CDH23: variants seen among roughly 807,000 people sequenced by gnomAD.
The protein encoded by CDH23 is cadherin-23.
Under a neutral mutation model 317.1 loss-of-function variants are expected in CDH23, and 189 were observed. That is an observed-to-expected ratio of 0.60 (90% confidence interval 0.53 to 0.67). The LOEUF (loss-of-function observed/expected upper bound fraction) is 0.67. Among genes scored for constraint, CDH23 ranks in the 30% least tolerant of loss-of-function variants. The pLI is 0.00. For synonymous variants in CDH23, 1,839 were observed against 1,876.8 expected, an observed-to-expected ratio of 0.98 and a Z score of 0.52; for missense variants, 4,401 against 4,592.4, an observed-to-expected ratio of 0.96 and a Z score of 1.20.
intron 1 of CDH23, among the ~76,000 whole-genome samples, chr10:71,419,283 T>C (rs1848649112): frequency 6.6e-6 from 1 of 152,216 alleles, no homozygotes; most frequent in Admixed American, 6.5e-5. Context: ...CTCTGAAGAA[T>C]GAAGTGACCT....
chr10:71,480,905 G>T (rs1319748102), intron 3 of CDH23, among the ~76,000 whole-genome samples: 1 of 152,166 alleles, frequency 6.6e-6, no homozygotes, highest in Admixed American at 6.5e-5. Context: ...CCAGTGTCTG[G>T]TTTTTGGAGC....
chr10:71,770,732 G>A (rs371015651), intron 38 of CDH23, among the ~76,000 whole-genome samples: 9 of 152,292 alleles, frequency 5.9e-5, no homozygotes, highest in African/African-American at 1.7e-4. Flanking sequence ...CCCCTTTAGC[G>A]TCTCAGCAGC....
intron 38 of CDH23, chr10:71,750,143 A>G (rs1051403475): frequency 6.6e-6 from 1 of 152,136 alleles, no homozygotes; most frequent in East Asian, 1.9e-4. Context: ...GTATAAAAAC[A>G]AAGCCAGGGC....
At chr10:71,408,120 A>G (rs763199639) in intron 1 of CDH23, among the ~76,000 whole-genome samples, 10 of 152,226 alleles carry the variant, frequency 6.6e-5, no homozygotes, top group Non-Finnish European at 1.3e-4. Flanking sequence ...TCGAAACCCC[A>G]GGAGCAATGT....
intron 3 of CDH23, among the ~76,000 whole-genome samples, chr10:71,475,190 C>G (rs1851726081): frequency 6.6e-6 from 1 of 152,218 alleles, no homozygotes; most frequent in South Asian, 2.1e-4. Flanking sequence ...CTTCTCACCA[C>G]CAGCACAGGG....
At chr10:71,729,067 T>C (rs1409150991) in intron 30 of CDH23, among the ~76,000 whole-genome samples, 3 of 152,122 alleles carry the variant, frequency 2.0e-5, no homozygotes, top group African/African-American at 4.8e-5. Flanking sequence ...ATGCCTGGGC[T>C]CAAGAGATCC....
At chr10:71,460,007 T>C (rs1369264412) in intron 3 of CDH23, among the ~76,000 whole-genome samples, 1 of 152,212 alleles carries the variant, frequency 6.6e-6, no homozygotes, top group East Asian at 1.9e-4. Flanking sequence ...TGTGCCTCAC[T>C]CATTTAATCC....
rs571550642 is a variant in CDH23 at position 71,645,305 on chromosome 10, A to G, written c.1141-526A>G. ...GCCACTCAGTCTCTGGGTTATTCCC[A>G]TTTCACATGTCAGCAAACCAGTGTT... On this transcript the variant is annotated intron_variant, in intron 12 of 69. Transcript: ENST00000224721. 3.9e-5 allele frequency among the ~76,000 whole-genome samples: 6 copies of G among 152,262 alleles called. No individual in the cohort carries two copies. In the South Asian group the frequency reaches 1.2e-3, roughly 32 times the overall value.
intron 26 of CDH23, among the ~76,000 whole-genome samples, chr10:71,708,460 T>C (rs1865865882): frequency 6.6e-6 from 1 of 152,202 alleles, no homozygotes; most frequent in African/African-American, 2.4e-5. Context: ...TGGGAGTTCC[T>C]TCCTGACTCC....
At chr10:71,787,319 ATTTTTT>A (rs34939679) in intron 44 of CDH23, among the ~76,000 whole-genome samples, 2 of 126,410 alleles carry the variant, frequency 1.6e-5, no homozygotes, top group Non-Finnish European at 1.7e-5. Context: ...CGCTTTTCAG[ATTTTTT>A]TTTTTTTTTT....
At chr10:71,783,532 G>T (rs1407021183) in intron 41 of CDH23, among the ~76,000 whole-genome samples, 1 of 152,198 alleles carries the variant, frequency 6.6e-6, no homozygotes, top group Non-Finnish European at 1.5e-5. Context: ...CGGTCTCTGG[G>T]CTGCCTTCCA....
At chr10:71,496,932 G>A (rs528737458) in intron 3 of CDH23, among the ~76,000 whole-genome samples, 42 of 34,326 alleles carry the variant, frequency 1.2e-3, no homozygotes, top group Non-Finnish European at 2.7e-3. Context: ...CAAGACGGAA[G>A]GGATGCCCCG....
At chr10:71,439,265 A>G (rs1849759698) in intron 1 of CDH23, among the ~76,000 whole-genome samples, 1 of 151,738 alleles carries the variant, frequency 6.6e-6, no homozygotes, top group Admixed American at 6.6e-5. Context: ...CTTCATATAC[A>G]AGGTTATGGG....
At chr10:71,417,027 C>CTTTTTTTTTTTTTTTT (rs59400313) in intron 1 of CDH23, among the ~76,000 whole-genome samples, 1 of 146,094 alleles carries the variant, frequency 6.8e-6, no homozygotes, top group African/African-American at 2.5e-5. Context: ...CTTTGGTTTT[C>CTTTTTTTTTTTTTTTT]TTTTTTTTTC....
intron 3 of CDH23, among the ~76,000 whole-genome samples, chr10:71,461,919 C>T (rs111661496): frequency 0.026 from 2,223 of 86,758 alleles, 24 homozygotes; most frequent in South Asian, 0.094. Context: ...GTGGCTGGGC[C>T]ACTTAGGACC....
At chr10:71,679,025 T>C (rs1207717548) in intron 16 of CDH23, among the ~76,000 whole-genome samples, 2 of 151,922 alleles carry the variant, frequency 1.3e-5, no homozygotes, top group Non-Finnish European at 2.9e-5. Context: ...AGGGAGGGCA[T>C]CTGCAGGTGG....
At chr10:71,550,567 AAAAAAAAAAAG>A (rs1856523896) in intron 6 of CDH23, among the ~76,000 whole-genome samples, 1 of 113,118 alleles carries the variant, frequency 8.8e-6, no homozygotes. Context: ...CTCAAAAAAA[AAAAAAAAAAAG>A]AAAAAAGAAA....
Position 71,694,128 on chromosome 10 carries a change from C to G in CDH23, c.2177-19C>G. 1 of 1,605,044 alleles carries G rather than the reference C, an allele frequency of 6.2e-7. No homozygotes were observed. Reference sequence around the variant, plus strand: ...GGCCCACCCAAACCCTCTCACGCACCCACTTCTCTCTCTGGCAGGGGAAAT... The same window carrying G: ...GGCCCACCCAAACCCTCTCACGCACGCACTTCTCTCTCTGGCAGGGGAAAT... On this transcript the variant is annotated intron_variant, in intron 20 of 69. Coordinates refer to ENST00000224721, the MANE Select transcript of CDH23 (RefSeq NM_022124.6).
At chr10:71,400,883 T>C (rs546313265) in intron 1 of CDH23, among the ~76,000 whole-genome samples, 5 of 152,242 alleles carry the variant, frequency 3.3e-5, no homozygotes, top group Non-Finnish European at 7.3e-5. Flanking sequence ...CCCCAGGTCT[T>C]AATGTGTAAA....
Sources: gnomAD v4.1 joint callset for allele counts (sites outside exome capture counted in the v4.1 genomes callset) on GRCh38, gnomAD v4.1.1 for gene constraint, MANE v1.5 for transcripts, NCBI Gene and HGNC (gene_info 2026-07-23, HGNC 2026-07-21) for gene names.